PRKCE: variants seen among roughly 807,000 people sequenced by gnomAD.
The protein encoded by PRKCE is protein kinase C epsilon type.
A neutral mutation model predicts 85.4 loss-of-function variants in PRKCE; 16 were observed. That is an observed-to-expected ratio of 0.19 (90% CI 0.13 to 0.28). The LOEUF (loss-of-function observed/expected upper bound fraction) is 0.28. PRKCE is among the 10% of genes least tolerant of loss of function. The pLI is 1.00. For synonymous variants in PRKCE, 388 were observed against 371.5 expected, an observed-to-expected ratio of 1.04 and a Z score of -0.51; for missense variants, 573 against 975.2, an observed-to-expected ratio of 0.59 and a Z score of 5.49.
chr2:45,836,185 G>A (rs555127911), intron 1 of PRKCE, among the ~76,000 whole-genome samples: 36 of 152,340 alleles, frequency 2.4e-4, no homozygotes, highest in African/African-American at 8.7e-4. Context: ...GGGACAGACA[G>A]GGTCCTGCTT....
chr2:46,184,434 A>AACAC lies in PRKCE; in HGVS notation c.2068-276_2068-273dup, dbSNP rs3834107. On this transcript the variant is annotated intron_variant, in intron 14 of 14. Coordinates refer to ENST00000306156, the MANE Select transcript of PRKCE (RefSeq NM_005400.3). This position sits in a 1 kb window ranked among gnomAD's most constrained non-coding sequence, Gnocchi z 5.0. ...GGGACCTTTGCATCATACACACACA[A>AACAC]ACACACACACACACACACACACACA... is the stretch of plus-strand genomic sequence containing the variant. 0.25 allele frequency among the ~76,000 whole-genome samples: 37,302 copies of AACAC among 149,032 alleles called. 4,764 individuals carry two copies. Among genetic ancestry groups the AACAC allele is most frequent in the African/African-American group, 0.3 (12,022 of 40,432 alleles).
chr2:45,743,891 C>G (rs1201171661), intron 1 of PRKCE, among the ~76,000 whole-genome samples: 4 of 152,144 alleles, frequency 2.6e-5, no homozygotes, highest in African/African-American at 9.6e-5. Flanking sequence ...CAAGCACCAG[C>G]ATGACCTCAT....
intron 1 of PRKCE, among the ~76,000 whole-genome samples, chr2:45,813,536 A>T (rs1688803858): frequency 6.6e-6 from 1 of 152,198 alleles, no homozygotes; most frequent in Non-Finnish European, 1.5e-5. Context: ...CATGTGGGAC[A>T]TGAGAGTTGA....
chr2:45,860,839 G>T (rs1693100104), intron 2 of PRKCE, among the ~76,000 whole-genome samples: 1 of 152,128 alleles, frequency 6.6e-6, no homozygotes, highest in South Asian at 2.1e-4. Flanking sequence ...TCCTTCAGTG[G>T]AACATCTGGA....
Position 45,827,890 on chromosome 2 carries a change from T to C in PRKCE, c.349-15110T>C, listed in dbSNP as rs138197749. 1.3e-3 allele frequency among the ~76,000 whole-genome samples: 204 copies of C among 152,378 alleles called. 2 individuals are homozygous for C. The East Asian group carries it at 0.016, about 12-fold the overall frequency. ...ATAAATTCTGTTTTACTTTATGTTA[T>C]ATAAATTTGAGACTTATGCTTCGTT... On this transcript the variant is annotated intron_variant, in intron 1 of 14. Coordinates refer to ENST00000306156, the MANE Select transcript of PRKCE (RefSeq NM_005400.3).
intron 11 of PRKCE, among the ~76,000 whole-genome samples, chr2:46,124,216 T>C (rs1673627250): frequency 6.6e-6 from 1 of 152,034 alleles, no homozygotes; most frequent in Admixed American, 6.5e-5. Flanking sequence ...TCCCAGATAC[T>C]TGGGAGGCTG....
chr2:46,133,019 G>A (rs1042051240), intron 11 of PRKCE, among the ~76,000 whole-genome samples: 1 of 152,102 alleles, frequency 6.6e-6, no homozygotes, highest in African/African-American at 2.4e-5. Flanking sequence ...GACCTAAAAG[G>A]GGCTAACCAA....
intron 6 of PRKCE, among the ~76,000 whole-genome samples, chr2:45,994,861 A>T (rs1490027999): frequency 6.6e-6 from 1 of 152,222 alleles, no homozygotes; most frequent in Non-Finnish European, 1.5e-5. Flanking sequence ...GAAACTGCCA[A>T]ACTGTCTCTC....
chr2:45,651,560 C>G (rs965329334), upstream of PRKCE: 4 of 155,576 alleles, frequency 2.6e-5, no homozygotes, highest in Admixed American at 6.2e-5. Flanking sequence ...GTTCACCCCC[C>G]CGCCCCGCGC....
chr2:46,103,811 C>A (rs568976142), intron 11 of PRKCE, among the ~76,000 whole-genome samples: 15 of 152,162 alleles, frequency 9.9e-5, no homozygotes, highest in African/African-American at 2.9e-4. Flanking sequence ...AGTGGATCAT[C>A]ATAAAGGTTT....
In PRKCE at chr2:45,744,470, T is replaced by C. The variant is rs866581860; in HGVS notation, c.348+92022T>C. Among the ~76,000 whole-genome samples the C allele has an allele frequency of 6.2e-3, 374 of 59,872 alleles. 3 individuals carry two copies. Among genetic ancestry groups the C allele is most frequent in the South Asian group, 0.027 (34 of 1,244 alleles). 39.3% of individuals were successfully genotyped at this position (59,872 alleles called of 152,430 possible). ...CTTTCTTTCTTTCTTTCTTTCTTTC[T>C]TTCTTTCTTTCTTTCTTTTTCTTTC... is the stretch of plus-strand genomic sequence containing the variant. On this transcript the variant is annotated intron_variant, in intron 1 of 14. Transcript: ENST00000306156.
At chr2:46,056,742 A>T (rs1008510036) in intron 10 of PRKCE, among the ~76,000 whole-genome samples, 6 of 152,248 alleles carry the variant, frequency 3.9e-5, no homozygotes, top group African/African-American at 1.2e-4. Flanking sequence ...AGGTGGTAGC[A>T]GGGCTGAAAT....
chr2:45,675,199 C>T (rs1258942556), intron 1 of PRKCE: 1 of 152,224 alleles, frequency 6.6e-6, no homozygotes, highest in African/African-American at 2.4e-5. Context: ...AGAAAACACT[C>T]TGTAGATGTA....
At chr2:45,902,279 C>T (rs569845185) in intron 2 of PRKCE, among the ~76,000 whole-genome samples, 12 of 152,254 alleles carry the variant, frequency 7.9e-5, no homozygotes, top group Middle Eastern at 3.4e-3. Flanking sequence ...GTTCCTGAAA[C>T]CTGCAGTAAT....
intron 2 of PRKCE, among the ~76,000 whole-genome samples, chr2:45,896,835 A>G (rs10165507): frequency 0.029 from 4,490 of 152,240 alleles, 197 homozygotes; most frequent in African/African-American, 0.1. Flanking sequence ...TGTAATCTCA[A>G]TGCTTTGGGA....
At chr2:45,778,331 A>G (rs1685919367) in intron 1 of PRKCE, among the ~76,000 whole-genome samples, 1 of 152,104 alleles carries the variant, frequency 6.6e-6, no homozygotes, top group Non-Finnish European at 1.5e-5. Context: ...GCTTCTCTGG[A>G]GACTGATGTC....
intron 2 of PRKCE, among the ~76,000 whole-genome samples, chr2:45,919,343 G>C (rs1164374836): frequency 2.6e-5 from 4 of 152,224 alleles, no homozygotes; most frequent in Admixed American, 2.0e-4. Flanking sequence ...ACGGACACCT[G>C]CTTCCTTTCC....
At chr2:45,783,788 A>G (rs550913229) in intron 1 of PRKCE, among the ~76,000 whole-genome samples, 1 of 152,276 alleles carries the variant, frequency 6.6e-6, no homozygotes, top group East Asian at 1.9e-4. Flanking sequence ...ATCTTCTAGG[A>G]GCCGGGAAGT....
intron 2 of PRKCE, among the ~76,000 whole-genome samples, chr2:45,925,405 T>C (rs534989662): frequency 2.6e-5 from 4 of 152,270 alleles, no homozygotes; most frequent in African/African-American, 9.6e-5. Flanking sequence ...CAAGCGATTC[T>C]CCTGCCTCAG....
Sources: gnomAD v4.1 joint callset for allele counts (sites outside exome capture counted in the v4.1 genomes callset) on GRCh38, gnomAD v4.1.1 for gene constraint, Gnocchi (gnomAD v3.1) non-coding constraint, MANE v1.5 for transcripts, NCBI Gene and HGNC (gene_info 2026-07-23, HGNC 2026-07-21) for gene names.